The following EFHC1 variants were observed in gnomAD, a reference collection of about 807,000 sequenced individuals.
The protein encoded by EFHC1 is EF-hand domain containing 1.
A neutral mutation model predicts 69.9 loss-of-function variants in EFHC1; 53 were observed. That is an observed-to-expected ratio of 0.76 (90% CI 0.61 to 0.95). The LOEUF is 0.95. Ranked by LOEUF, EFHC1 falls within the 40% of genes least tolerant of loss-of-function variation. EFHC1 has a pLI of 0.00. For missense variants in EFHC1, 739 were observed against 798.7 expected, an observed-to-expected ratio of 0.93 and a Z score of 0.90; for synonymous variants, 256 against 278.4, an observed-to-expected ratio of 0.92 and a Z score of 0.80.
chr6:52,452,678 A>G lies in EFHC1; in HGVS notation c.574-10A>G. 1.9e-6 allele frequency: 3 copies of G among 1,613,920 alleles called. No individual in the cohort carries two copies. The highest frequency in any genetic ancestry group is 1.7e-6 in the Non-Finnish European group (2 of 1,179,834). ...AGAAAGATGATCATTGTTAACTTTC[A>G]ATTATTTAGGTATTTTTAGAAAGCC... On this transcript the variant is annotated splice_polypyrimidine_tract_variant and intron_variant, in intron 3 of 10. Coordinates refer to ENST00000371068, the MANE Select transcript of EFHC1 (RefSeq NM_018100.4).
chr6:52,438,513 G>A lies in EFHC1; in HGVS notation c.495G>A (p.Trp165Ter). Residue 165 changes from tryptophan to a stop codon, truncating the protein, a stop_gained, in exon 3 of 11, where the codon TGG (tryptophan) becomes TGA (stop). Coordinates refer to ENST00000371068, the MANE Select transcript of EFHC1 (RefSeq NM_018100.4). LOFTEE classifies it high-confidence loss of function. The stretch of plus-strand genomic sequence containing the variant: ...ATGACCGGGGTGACCATTACCATTG[G>A]AAAGACCTAAATCGAGGAATAAACA... ...AKNDRGDHYH[W>*]KDLNRGINIT... 6.2e-7 allele frequency: 1 copy of A among 1,614,036 alleles called. No homozygotes were observed. The highest frequency in any genetic ancestry group is 8.5e-7 in the Non-Finnish European group (1 of 1,179,970).
intron 7 of EFHC1, among the ~76,000 whole-genome samples, chr6:52,475,156 G>C (rs1291260248): frequency 6.6e-6 from 1 of 152,142 alleles, no homozygotes; most frequent in African/African-American, 2.4e-5. Flanking sequence ...GTAATTTTCA[G>C]ATGTTTTCCC....
chr6:52,447,388 C>G (rs925049096), intron 3 of EFHC1, among the ~76,000 whole-genome samples: 25 of 152,322 alleles, frequency 1.6e-4, no homozygotes, highest in African/African-American at 5.8e-4. Flanking sequence ...TCACATAGTT[C>G]TCATGCCATG....
At chr6:52,436,375 C>T (rs1211477381) in intron 2 of EFHC1, among the ~76,000 whole-genome samples, 2 of 151,624 alleles carry the variant, frequency 1.3e-5, no homozygotes, top group Admixed American at 6.6e-5. Context: ...AGTTACGCTA[C>T]CCATTTTTTT....
intron 6 of EFHC1, 72 bp from the exon 7 acceptor site, chr6:52,469,261 T>C: frequency 1.3e-6 from 2 of 1,586,364 alleles, no homozygotes; most frequent in Non-Finnish European, 1.7e-6. Context: ...TTCTTTAAAC[T>C]TATAGTTACC....
At chr6:52,446,310 T>C (rs1211645330) in intron 3 of EFHC1, among the ~76,000 whole-genome samples, 1 of 152,248 alleles carries the variant, frequency 6.6e-6, no homozygotes, top group East Asian at 1.9e-4. Flanking sequence ...TTTACCATTA[T>C]GTAACGACAT....
At chr6:52,462,245 C>A (rs372421316) in intron 5 of EFHC1, among the ~76,000 whole-genome samples, 3 of 150,938 alleles carry the variant, frequency 2.0e-5, no homozygotes, top group East Asian at 1.9e-4. Context: ...CAGAAAATAC[C>A]TAGAACTGAA....
In EFHC1 at chr6:52,493,033, A is replaced by G. The variant is rs112518124; in HGVS notation, c.*692A>G. The G allele has an allele frequency of 4.5e-3, 2,051 of 454,052 alleles. 31 individuals are homozygous for G. The highest frequency in any genetic ancestry group is 0.037 in the African/African-American group (1,830 of 50,098). 28.1% of individuals were successfully genotyped at this position (454,052 alleles called of 1,614,324 possible). A position where few individuals can be genotyped will look rare whatever the true frequency, so the allele number is the denominator to read the frequency against. On this transcript the variant is annotated 3_prime_UTR_variant, in exon 11 of 11. Transcript: ENST00000371068. ...TCCCTAATGTGGGTGGGCCTCCTCC[A>G]ATCATTTGAAGACATGAGTAGAATA... is the stretch of plus-strand genomic sequence containing the variant.
At chr6:52,433,426 C>G (rs1359656432) in intron 2 of EFHC1, among the ~76,000 whole-genome samples, 1 of 152,122 alleles carries the variant, frequency 6.6e-6, no homozygotes, top group Non-Finnish European at 1.5e-5. Context: ...GAGAGCCGAG[C>G]TGTAGTGATT....
At chr6:52,457,036 A>G (rs1169411427) in intron 5 of EFHC1, among the ~76,000 whole-genome samples, 2 of 152,248 alleles carry the variant, frequency 1.3e-5, no homozygotes, top group Admixed American at 1.3e-4. Context: ...TCTCAAAGGC[A>G]TTTATCCAAT....
intron 5 of EFHC1, among the ~76,000 whole-genome samples, chr6:52,459,736 A>G (rs1198968665): frequency 2.0e-5 from 3 of 152,128 alleles, no homozygotes. Context: ...GTGCAGTGGC[A>G]TGGTCTTGGC....
intron 1 of EFHC1, among the ~76,000 whole-genome samples, chr6:52,423,108 C>T (rs190272903): frequency 2.6e-5 from 4 of 152,230 alleles, no homozygotes; most frequent in South Asian, 4.1e-4. Flanking sequence ...AATAAATGGT[C>T]GGGGTAGAAT....
chr6:52,492,750 G>A lies in EFHC1; in HGVS notation c.*409G>A. 2.3e-6 allele frequency: 1 copy of A among 444,120 alleles called. No homozygotes were observed. The highest frequency in any genetic ancestry group is 4.5e-6 in the Non-Finnish European group (1 of 222,432). The allele number at this position is 444,120 out of a possible 1,614,324, so 27.5% of individuals were successfully genotyped here. ...CCACTTCAACCTCCCCAGTAGCTGG[G>A]ACAACAGGCTCAAGCCACCATGCCC... On this transcript the variant is annotated 3_prime_UTR_variant, in exon 11 of 11. Transcript: ENST00000371068.
In EFHC1 at chr6:52,454,146, T is replaced by C. The variant is rs1472698565; in HGVS notation, c.775T>C (p.Cys259Arg). The change falls in exon 5 of 11, where the codon TGT becomes CGT. Residue 259 changes from cysteine (C) to arginine (R), a missense_variant. Coordinates refer to ENST00000371068, the MANE Select transcript of EFHC1 (RefSeq NM_018100.4). ...TGATACAGACAGCATGTATGGTGAA[T>C]GTCGGACCTACATCATTCATTACTA... Reference protein sequence around the residue: ...WDDTDSMYGECRTYIIHYYLM... With the variant: ...WDDTDSMYGERRTYIIHYYLM... 6.2e-7 allele frequency: 1 copy of C among 1,614,142 alleles called. No individual in the cohort carries two copies. Among genetic ancestry groups the C allele is most frequent in the Non-Finnish European group, 8.5e-7 (1 of 1,180,012 alleles).
At chr6:52,456,866 G>T (rs1010096069) in intron 5 of EFHC1, among the ~76,000 whole-genome samples, 2 of 152,158 alleles carry the variant, frequency 1.3e-5, no homozygotes, top group African/African-American at 4.8e-5. Context: ...AGTGAGCGGA[G>T]ATTGCGCCAC....
chr6:52,431,468 A>G (rs1352020758), intron 2 of EFHC1, among the ~76,000 whole-genome samples: 1 of 152,190 alleles, frequency 6.6e-6, no homozygotes, highest in African/African-American at 2.4e-5. Flanking sequence ...CCCAAAGCTC[A>G]CTTAGGAGCA....
chr6:52,464,190 A>T lies in EFHC1; in HGVS notation c.917-705A>T, dbSNP rs535846721. On this transcript the variant is annotated intron_variant, in intron 5 of 10. Transcript: ENST00000371068. ...TCCTTAGTTCTCATGAAACAGTAAGACAAGAATGGAATTATTCCACAAATG... is the reference window on the plus strand; with the variant it reads ...TCCTTAGTTCTCATGAAACAGTAAGTCAAGAATGGAATTATTCCACAAATG... 2.0e-5 allele frequency among the ~76,000 whole-genome samples: 3 copies of T among 152,346 alleles called. No homozygotes were observed. The South Asian group carries it at 6.2e-4, about 32-fold the overall frequency.
rs1765385252 is a variant in EFHC1, at chr6:52,469,400, C to T, written c.1205C>T (p.Pro402Leu). Residue 402 changes from proline to leucine, a missense_variant, in exon 7 of 11, where the codon CCA (proline) becomes CTA (leucine). Coordinates refer to ENST00000371068, the MANE Select transcript of EFHC1 (RefSeq NM_018100.4). ...GCTCAGAATTGTTTTGCTCTCATTC[C>T]AAAAGCTCCAAAAAAAGACGTTATT... Reference protein sequence around the residue: ...DSAQNCFALIPKAPKKDVIKM... With the variant: ...DSAQNCFALILKAPKKDVIKM... 1 of 1,613,778 alleles carries T rather than the reference C, an allele frequency of 6.2e-7. No individual in the cohort carries two copies. Among genetic ancestry groups the T allele is most frequent in the African/African-American group, 1.3e-5 (1 of 74,888 alleles).
chr6:52,490,062 A>C (rs975998834), intron 9 of EFHC1, 78 bp from the exon 10 acceptor site: 4 of 1,331,740 alleles, frequency 3.0e-6, no homozygotes, highest in Non-Finnish European at 2.1e-6. Flanking sequence ...GATTTCATCA[A>C]GTAAGAACTT....
Sources: allele counts gnomAD v4.1 joint callset (sites outside exome capture counted in the v4.1 genomes callset), GRCh38; gene constraint gnomAD v4.1.1; transcripts MANE v1.5; gene names NCBI Gene and HGNC (gene_info 2026-07-23, HGNC 2026-07-21).